Variants in OSBPL2 observed in about 807,000 individuals in gnomAD.
The protein encoded by OSBPL2 is oxysterol-binding protein-related protein 2.
Under a neutral mutation model 58.4 loss-of-function variants are expected in OSBPL2, and 18 were observed. The observed-to-expected ratio is 0.31, with a 90% CI of 0.21 to 0.46. OSBPL2 has a LOEUF of 0.46. OSBPL2 is among the 20% of genes least tolerant of loss of function. The pLI, the probability that OSBPL2 is intolerant of heterozygous loss-of-function variation, is 1.00. For missense variants in OSBPL2, 461 were observed against 616.5 expected (o/e 0.75, Z 2.67); for synonymous variants, 221 against 234.1 (o/e 0.94, Z 0.51).
Position 62,269,321 on chromosome 20 carries a change from C to T in OSBPL2, c.259-2804C>T, listed in dbSNP as rs1284515892. 2.0e-5 allele frequency among the ~76,000 whole-genome samples: 3 copies of T among 152,184 alleles called. No homozygotes were observed. The highest frequency in any genetic ancestry group is 4.4e-5 in the Non-Finnish European group (3 of 68,042). On this transcript the variant is annotated intron_variant, in intron 4 of 13. Coordinates refer to ENST00000313733, the MANE Select transcript of OSBPL2 (RefSeq NM_144498.4). The surrounding 1 kb of genome is among the most constrained non-coding windows in gnomAD (Gnocchi z 4.2). The stretch of plus-strand genomic sequence containing the variant: ...CTGATCTTTCATGGATCCAGCCGTG[C>T]GGCAGCAAAGAGCCCTGCATGTGTG...
At chr20:62,271,229 C>T (rs1328217655) in intron 4 of OSBPL2, among the ~76,000 whole-genome samples, 1 of 144,570 alleles carries the variant, frequency 6.9e-6, no homozygotes, top group African/African-American at 2.6e-5. Flanking sequence ...CCCCTTGGCA[C>T]CTTCCCAGCT....
At chr20:62,286,550 C>G (rs535217428) in intron 10 of OSBPL2, 33 bp from the exon 11 acceptor site, 9 of 1,590,430 alleles carry the variant, frequency 5.7e-6, no homozygotes, top group Non-Finnish European at 7.7e-6. Flanking sequence ...GGCCTGGCCC[C>G]GGGCAGCCAC....
chr20:62,287,178 C>G (rs1027749121), intron 11 of OSBPL2, among the ~76,000 whole-genome samples: 1 of 152,010 alleles, frequency 6.6e-6, no homozygotes, highest in African/African-American at 2.4e-5. Context: ...GAAAATTGCA[C>G]TTATAATTTT....
intron 1 of OSBPL2, among the ~76,000 whole-genome samples, chr20:62,250,607 T>C (rs1292167368): frequency 6.6e-6 from 1 of 152,180 alleles, no homozygotes; most frequent in Non-Finnish European, 1.5e-5. Flanking sequence ...ACTTTTGTTA[T>C]AGGCAGGGGA....
rs567732894 is a variant in OSBPL2, at chr20:62,269,337, T to C, written c.259-2788T>C. 6.6e-6 allele frequency among the ~76,000 whole-genome samples: 1 copy of C among 152,322 alleles called. No homozygotes were observed. The highest frequency in any genetic ancestry group is 1.5e-5 in the Non-Finnish European group (1 of 68,026). On this transcript the variant is annotated intron_variant, in intron 4 of 13. Coordinates refer to ENST00000313733, the MANE Select transcript of OSBPL2 (RefSeq NM_144498.4). This position sits in a 1 kb window ranked among gnomAD's most constrained non-coding sequence, Gnocchi z 4.2. Reference sequence around the variant, plus strand: ...CCAGCCGTGCGGCAGCAAAGAGCCCTGCATGTGTGTTTGGCCGAGGCTCTG... The same window carrying C: ...CCAGCCGTGCGGCAGCAAAGAGCCCCGCATGTGTGTTTGGCCGAGGCTCTG...
intron 4 of OSBPL2, among the ~76,000 whole-genome samples, chr20:62,270,123 C>A (rs1162718419): frequency 6.6e-6 from 1 of 152,230 alleles, no homozygotes; most frequent in African/African-American, 2.4e-5. Context: ...ACCCCGCCCA[C>A]CCTCCGTCCA....
chr20:62,247,905 C>T (rs1310043742), intron 1 of OSBPL2, among the ~76,000 whole-genome samples: 11 of 151,276 alleles, frequency 7.3e-5, no homozygotes, highest in African/African-American at 2.4e-4. Context: ...CCTTGTGATC[C>T]GCCCACCTCG....
chr20:62,291,022 T>A (rs1983473466), intron 12 of OSBPL2, among the ~76,000 whole-genome samples: 1 of 152,108 alleles, frequency 6.6e-6, no homozygotes, highest in South Asian at 2.1e-4. Context: ...ACACTGTGCC[T>A]GGCCTAATTT....
intron 1 of OSBPL2, chr20:62,238,842 G>GGGGCCT (rs987481617): frequency 1.7e-5 from 2 of 118,926 alleles, no homozygotes; most frequent in African/African-American, 4.1e-5. Context: ...GGCCGGGCGT[G>GGGGCCT]GGGCCTGGGC....
chr20:62,271,525 C>T (rs1289472460), intron 4 of OSBPL2: 1 of 152,830 alleles, frequency 6.5e-6, no homozygotes, highest in East Asian at 1.9e-4. Flanking sequence ...AATATCGGCT[C>T]ACCGCAACCT....
At chr20:62,267,166 G>C (rs1981734446) in intron 4 of OSBPL2, among the ~76,000 whole-genome samples, 1 of 152,196 alleles carries the variant, frequency 6.6e-6, no homozygotes, top group Non-Finnish European at 1.5e-5. Flanking sequence ...GATCACTTGA[G>C]CCTGGGAGGT....
At chr20:62,273,232 C>T (rs937561703) in intron 5 of OSBPL2, 77 bp from the exon 6 acceptor site, 1 of 1,114,602 alleles carries the variant, frequency 9.0e-7, no homozygotes, top group African/African-American at 1.6e-5. Context: ...GTGCCCACCG[C>T]CCTCCACAAG....
chr20:62,280,621 A>G (rs917577459), intron 7 of OSBPL2, among the ~76,000 whole-genome samples: 2 of 152,114 alleles, frequency 1.3e-5, no homozygotes, highest in African/African-American at 2.4e-5. Context: ...ATTTGGGAGG[A>G]TGAGGAGTAA....
chr20:62,279,026 C>T (rs1982603863), intron 6 of OSBPL2, 131 bp from the exon 7 acceptor site: 1 of 705,086 alleles, frequency 1.4e-6, no homozygotes, highest in Non-Finnish European at 2.4e-6. Context: ...TTGGGTGTTT[C>T]CGCCACATGT....
chr20:62,247,484 G>A (rs1423102613), intron 1 of OSBPL2, among the ~76,000 whole-genome samples: 2 of 152,180 alleles, frequency 1.3e-5, no homozygotes, highest in Non-Finnish European at 2.9e-5. Context: ...TAGCTCCCCG[G>A]CCATGCCTGA....
chr20:62,251,117 C>T (rs1980500574), intron 1 of OSBPL2, among the ~76,000 whole-genome samples: 2 of 144,272 alleles, frequency 1.4e-5, no homozygotes, highest in African/African-American at 5.1e-5. Context: ...GATCTCGGCT[C>T]ACCGCAAGCT....
intron 1 of OSBPL2, among the ~76,000 whole-genome samples, chr20:62,246,395 G>A (rs763948418): frequency 2.6e-5 from 4 of 152,262 alleles, no homozygotes; most frequent in Non-Finnish European, 5.9e-5. Context: ...CCATGGGAGA[G>A]TCTAAGCTCA....
chr20:62,250,919 G>A (rs1276561058), intron 1 of OSBPL2, among the ~76,000 whole-genome samples: 1 of 151,840 alleles, frequency 6.6e-6, no homozygotes, highest in Non-Finnish European at 1.5e-5. Flanking sequence ...GCAAGACCCT[G>A]TCTCCAAAAA....
chr20:62,291,455 G>A, intron 12 of OSBPL2: 1 of 507,668 alleles, frequency 2.0e-6, no homozygotes, highest in East Asian at 3.7e-5. Flanking sequence ...GAGTAGTGCT[G>A]TCGTAGAACA....
Sources: gnomAD v4.1 joint callset for allele counts (sites outside exome capture counted in the v4.1 genomes callset) on GRCh38, gnomAD v4.1.1 for gene constraint, Gnocchi (gnomAD v3.1) non-coding constraint, MANE v1.5 for transcripts, NCBI Gene and HGNC (gene_info 2026-07-23, HGNC 2026-07-21) for gene names.